XPO1: variants seen among roughly 807,000 people sequenced by gnomAD.
The protein encoded by XPO1 is exportin-1.
In XPO1, 5 loss-of-function variants were observed where a neutral mutation model predicts 133.3. The observed-to-expected ratio is 0.04, with a 90% CI of 0.02 to 0.08. The LOEUF (loss-of-function observed/expected upper bound fraction) is 0.08. Ranked by LOEUF, XPO1 falls within the 10% of genes least tolerant of loss-of-function variation. XPO1 has a pLI of 1.00. For missense variants in XPO1, 506 were observed against 1,267.5 expected, an observed-to-expected ratio of 0.40 and a Z score of 9.12; for synonymous variants, 419 against 408.2, an observed-to-expected ratio of 1.03 and a Z score of -0.32.
chr2:61,494,684 C>T (rs898704373), intron 11 of XPO1: 2 of 151,782 alleles, frequency 1.3e-5, no homozygotes, highest in Non-Finnish European at 2.9e-5. Context: ...GGGTCACCTT[C>T]GGGTGATGAA....
chr2:61,511,705 G>GT (rs371843489), intron 4 of XPO1, among the ~76,000 whole-genome samples: 13 of 151,796 alleles, frequency 8.6e-5, no homozygotes, highest in Non-Finnish European at 1.2e-4. Flanking sequence ...GGCCTGCCTT[G>GT]TTTTTTTTAG....
chr2:61,490,451 G>A (rs1031706114), intron 17 of XPO1, among the ~76,000 whole-genome samples, 191 bp downstream of exon 17: 4 of 151,988 alleles, frequency 2.6e-5, no homozygotes, highest in South Asian at 2.1e-4. Context: ...CGCCCGCCTC[G>A]GCCTTCCAAT....
chr2:61,501,773 A>G (rs1697539018), intron 6 of XPO1, among the ~76,000 whole-genome samples: 1 of 151,100 alleles, frequency 6.6e-6, no homozygotes. Context: ...AACAGAGTCC[A>G]GTCCACACTG....
chr2:61,502,042 TAAGGAA>T lies in XPO1; in HGVS notation c.364-8_364-3del. 6.3e-7 allele frequency: 1 copy of T among 1,599,272 alleles called. No individual in the cohort carries two copies. The highest frequency in any genetic ancestry group is 1.3e-5 in the African/African-American group (1 of 74,528). On this transcript the variant is annotated splice_polypyrimidine_tract_variant and splice_region_variant and intron_variant, in intron 5 of 24. Transcript: ENST00000401558. ...TTTTCCGATATACACCTTTTCTTTC[TAAGGAA>T]AAGTAAAAGATTAAATGAGAGCCTG...
At position 61,496,869 on chromosome 2, in the gene XPO1, A is replaced by G; in HGVS notation, c.888+10T>C. 6.3e-7 allele frequency: 1 copy of G among 1,576,758 alleles called. No homozygotes were observed. The highest frequency in any genetic ancestry group is 8.6e-7 in the Non-Finnish European group (1 of 1,166,004). ...TTATTCAGCCAATTTTCAAGATAGT[A>G]TTATATTACCTGCTTTAGTTGCATC... On this transcript the variant is annotated intron_variant, in intron 10 of 24. Transcript: ENST00000401558.
chr2:61,491,077 A>G (rs1253880906), intron 16 of XPO1, among the ~76,000 whole-genome samples: 1 of 152,006 alleles, frequency 6.6e-6, no homozygotes, highest in Non-Finnish European at 1.5e-5. Flanking sequence ...TGAACCTGGG[A>G]GGCAGAGGTT....
intron 4 of XPO1, among the ~76,000 whole-genome samples, chr2:61,518,273 C>A (rs1346268765): frequency 6.6e-6 from 1 of 151,220 alleles, no homozygotes; most frequent in East Asian, 2.0e-4. Flanking sequence ...AAAGAAAAAG[C>A]CAGGCGCGGT....
intron 4 of XPO1, among the ~76,000 whole-genome samples, chr2:61,509,021 A>C (rs2104596743): frequency 6.6e-6 from 1 of 152,232 alleles, no homozygotes; most frequent in East Asian, 1.9e-4. Context: ...ACTGATTGAG[A>C]TGGAGTTTCA....
intron 3 of XPO1, among the ~76,000 whole-genome samples, chr2:61,524,328 A>T (rs565404170): frequency 6.6e-6 from 1 of 152,342 alleles, no homozygotes; most frequent in Admixed American, 6.5e-5. Context: ...TTACATTTTT[A>T]ATGGAAAGAC....
chr2:61,494,070 C>G lies in XPO1; in HGVS notation c.1069G>C (p.Val357Leu). ...ATTTCAGTTTCTTCTACTTCAGATA[C>G]CAACAACATATAATGAAGGGCCTAC... ...LMEALHYMLL[V>L]SEVEETEIFK... Residue 357 changes from valine (V) to leucine (L), a missense_variant, in exon 12 of 25, where the codon GTA becomes CTA. Val to Leu is a conservative substitution (Grantham distance 32). Around this residue, in one of 6 missense-constraint regions of XPO1, gnomAD observed 134 missense variants for 261.6 expected, o/e 0.51. Coordinates refer to ENST00000401558, the MANE Select transcript of XPO1 (RefSeq NM_003400.4). 1 of 1,613,774 alleles carries G rather than the reference C, an allele frequency of 6.2e-7. No individual in the cohort carries two copies. The highest frequency in any genetic ancestry group is 8.5e-7 in the Non-Finnish European group (1 of 1,179,924).
At chr2:61,528,002 C>T (rs917518768) in intron 2 of XPO1, among the ~76,000 whole-genome samples, 1 of 151,612 alleles carries the variant, frequency 6.6e-6, no homozygotes, top group Non-Finnish European at 1.5e-5. Flanking sequence ...TCTCGACTCA[C>T]TGCAACCTTC....
At chr2:61,532,740 G>A (rs1007983266) in intron 2 of XPO1, among the ~76,000 whole-genome samples, 1 of 151,468 alleles carries the variant, frequency 6.6e-6, no homozygotes, top group Non-Finnish European at 1.5e-5. Context: ...GGCTAAGGCA[G>A]GTGAATTGCT....
chr2:61,493,854 G>A (rs1221615502), intron 12 of XPO1, 40 bp downstream of exon 12: 1 of 1,604,248 alleles, frequency 6.2e-7, no homozygotes, highest in Non-Finnish European at 8.5e-7. Flanking sequence ...CAAAACCACA[G>A]TATGCAACAG....
chr2:61,488,456 A>G (rs749825972), intron 18 of XPO1, 132 bp downstream of exon 18: 52 of 1,158,784 alleles, frequency 4.5e-5, no homozygotes, highest in African/African-American at 7.7e-5. Context: ...ACTGTTTTAA[A>G]TATGTCTAGG....
At chr2:61,490,819 C>T in intron 16 of XPO1, 43 bp from the exon 17 acceptor site, 1 of 1,587,960 alleles carries the variant, frequency 6.3e-7, no homozygotes, top group Non-Finnish European at 8.6e-7. Context: ...GTTATACACC[C>T]TAATAAGGAA....
In XPO1 at chr2:61,483,994, C is replaced by G; in HGVS notation, c.2620G>C (p.Val874Leu). The G allele has an allele frequency of 6.2e-7, 1 of 1,613,816 alleles. No individual in the cohort carries two copies. Among genetic ancestry groups the G allele is most frequent in the South Asian group, 1.1e-5 (1 of 91,040 alleles). The change falls in exon 21 of 25, where the codon GTT becomes CTT. Residue 874 changes from valine to leucine, a missense_variant. Transcript: ENST00000401558. ...AAAGCCCAAATGATGGAATCCAAAA[C>G]AAGTTTAAACTGTGTAGGTGGAATA... is the stretch of plus-strand genomic sequence containing the variant. ...LAIPPTQFKL[V>L]LDSIIWAFKH...
chr2:61,515,032 G>A (rs1217826606), intron 4 of XPO1, among the ~76,000 whole-genome samples: 4 of 146,470 alleles, frequency 2.7e-5, no homozygotes, highest in Non-Finnish European at 5.9e-5. Flanking sequence ...TCATGACACT[G>A]CACTCCAGCC....
intron 4 of XPO1, among the ~76,000 whole-genome samples, chr2:61,506,434 C>A (rs1462168267): frequency 6.6e-6 from 1 of 151,066 alleles, no homozygotes; most frequent in Non-Finnish European, 1.5e-5. Context: ...AAAACAACAA[C>A]AAAAAATTCC....
At chr2:61,535,854 G>A (rs1437141503) in intron 1 of XPO1, among the ~76,000 whole-genome samples, 1 of 152,154 alleles carries the variant, frequency 6.6e-6, no homozygotes, top group Non-Finnish European at 1.5e-5. Flanking sequence ...AAATGAATGT[G>A]TAAACTCTCC....
Sources: allele counts gnomAD v4.1 joint callset (sites outside exome capture counted in the v4.1 genomes callset), GRCh38; gene constraint gnomAD v4.1.1; regional missense constraint gnomAD v4.1.1; transcripts MANE v1.5; gene names NCBI Gene and HGNC (gene_info 2026-07-23, HGNC 2026-07-21).